Variants in RAD17 observed in about 807,000 individuals in gnomAD.
RAD17 encodes cell cycle checkpoint protein RAD17.
Under a neutral mutation model 81.5 loss-of-function variants are expected in RAD17, and 31 were observed. That is an observed-to-expected ratio of 0.38 (90% confidence interval 0.29 to 0.51). The LOEUF is 0.51. RAD17 is among the 20% of genes least tolerant of loss of function. The probability of loss-of-function intolerance (pLI) is 0.88; values close to 1 mark genes in which losing one functional copy is unlikely to be tolerated. For synonymous variants in RAD17, 261 were observed against 266.2 expected, an observed-to-expected ratio of 0.98 and a Z score of 0.19; for missense variants, 681 against 781.2, an observed-to-expected ratio of 0.87 and a Z score of 1.53.
intron 11 of RAD17, among the ~76,000 whole-genome samples, chr5:69,388,125 T>A (rs551574517): frequency 2.0e-5 from 3 of 152,260 alleles, no homozygotes; most frequent in African/African-American, 7.2e-5. Context: ...GTGGGAGGAT[T>A]TGTTGAGCCT....
At chr5:69,406,794 A>C (rs1469065843) in intron 17 of RAD17, among the ~76,000 whole-genome samples, 1 of 151,962 alleles carries the variant, frequency 6.6e-6, no homozygotes, top group Non-Finnish European at 1.5e-5. Flanking sequence ...GGTGTGAGCT[A>C]CCACACCGAA....
chr5:69,410,965 C>CTACATATATATATATATATATATA (rs1554044688), intron 18 of RAD17, among the ~76,000 whole-genome samples: 2 of 90,264 alleles, frequency 2.2e-5, no homozygotes, highest in African/African-American at 9.9e-5. Context: ...AGATGTCTGT[C>CTACATATATATATATATATATATA]TATATATATA....
chr5:69,397,958 A>G (rs1198573362), intron 16 of RAD17, among the ~76,000 whole-genome samples: 1 of 152,164 alleles, frequency 6.6e-6, no homozygotes. Context: ...TGTACTAAAA[A>G]TAAAAAAACT....
In RAD17 at chr5:69,377,661, G is replaced by GCATATATATA. The variant is rs1561240454; in HGVS notation, c.351+2950_351+2951insCATATATATA. Among the ~76,000 whole-genome samples the GCATATATATA allele has an allele frequency of 1.6e-4, 12 of 75,578 alleles. 4 individuals carry two copies. The highest frequency in any genetic ancestry group is 5.2e-4 in the African/African-American group (12 of 23,242). The allele number at this position is 75,578 out of a possible 152,430, so 49.6% of individuals were successfully genotyped here. The stretch of plus-strand genomic sequence containing the variant: ...TACATATATATATGCATATATATAT[G>GCATATATATA]TATACATATATATATGCATATATAT... On this transcript the variant is annotated intron_variant, in intron 6 of 18. Transcript: ENST00000354868.
intron 17 of RAD17, among the ~76,000 whole-genome samples, chr5:69,403,191 A>G (rs929710854): frequency 7.9e-5 from 12 of 152,260 alleles, no homozygotes; most frequent in Non-Finnish European, 1.0e-4. Flanking sequence ...CCAGAATCCA[A>G]TGAAAGATAA....
At chr5:69,401,859 C>A (rs1042406592) in intron 17 of RAD17, among the ~76,000 whole-genome samples, 15 of 137,210 alleles carry the variant, frequency 1.1e-4, no homozygotes, top group Non-Finnish European at 1.6e-4. Flanking sequence ...AACAAAAAAA[C>A]CAGGCCTGGT....
intron 11 of RAD17, among the ~76,000 whole-genome samples, chr5:69,386,812 A>AT (rs953391706): frequency 6.7e-6 from 1 of 150,060 alleles, no homozygotes; most frequent in African/African-American, 2.5e-5. Flanking sequence ...TTATTTTCAC[A>AT]TTTTTTTTAA....
At chr5:69,396,591 T>C (rs1312583994) in intron 16 of RAD17, 45 bp downstream of exon 16, 2 of 1,450,452 alleles carry the variant, frequency 1.4e-6, no homozygotes, top group African/African-American at 1.4e-5. Flanking sequence ...ATGTGAACTT[T>C]ATGGTACGTG....
chr5:69,412,146 CAG>C lies in RAD17; in HGVS notation c.1751+1597_1751+1598del, dbSNP rs1404351637. On this transcript the variant is annotated intron_variant, in intron 18 of 18. Coordinates refer to ENST00000354868, the MANE Select transcript of RAD17 (RefSeq NM_133338.3). The stretch of plus-strand genomic sequence containing the variant: ...TAATTTTTTGTATTTTTAGTAGAGA[CAG>C]GGTTTCACTGTGTTAGCCAGGATGG... 2.0e-5 allele frequency among the ~76,000 whole-genome samples: 3 copies of C among 151,860 alleles called. No homozygotes were observed. The East Asian group carries it at 5.8e-4, about 29-fold the overall frequency.
intron 11 of RAD17, among the ~76,000 whole-genome samples, chr5:69,386,927 T>TC (rs36033887): frequency 5.3e-5 from 2 of 37,946 alleles, no homozygotes; most frequent in Non-Finnish European, 5.8e-5. Flanking sequence ...CTGTTGTCAC[T>TC]TTTTTTTTTT....
chr5:69,377,476 C>CAT (rs1763449766), intron 6 of RAD17, among the ~76,000 whole-genome samples: 3 of 7,230 alleles, frequency 4.1e-4, no homozygotes, highest in South Asian at 0.016. Flanking sequence ...TATATATATA[C>CAT]ACACACACAC....
chr5:69,395,580 G>C (rs1240410704), intron 15 of RAD17, among the ~76,000 whole-genome samples: 1 of 151,936 alleles, frequency 6.6e-6, no homozygotes, highest in African/African-American at 2.4e-5. Flanking sequence ...AAATGCTTGA[G>C]GTAATGGATA....
chr5:69,387,598 C>T (rs1764292124), intron 11 of RAD17, among the ~76,000 whole-genome samples: 1 of 152,172 alleles, frequency 6.6e-6, no homozygotes, highest in Admixed American at 6.5e-5. Context: ...TGGCTCACGC[C>T]TGTAATCTTA....
intron 6 of RAD17, among the ~76,000 whole-genome samples, chr5:69,376,532 A>G (rs1157302016): frequency 6.6e-6 from 1 of 152,208 alleles, no homozygotes; most frequent in Non-Finnish European, 1.5e-5. Context: ...CAAATTGGGT[A>G]GAAGGTACAG....
chr5:69,399,405 T>A (rs1442113622), intron 16 of RAD17, among the ~76,000 whole-genome samples: 3 of 152,216 alleles, frequency 2.0e-5, no homozygotes, highest in Non-Finnish European at 4.4e-5. Flanking sequence ...GCTTGACTTC[T>A]GTAATATCTG....
intron 18 of RAD17, among the ~76,000 whole-genome samples, chr5:69,413,812 G>A (rs1445987455): frequency 1.3e-5 from 2 of 152,236 alleles, no homozygotes; most frequent in African/African-American, 2.4e-5. Context: ...AGATAGTACA[G>A]GCATGAGCCA....
At chr5:69,402,778 CTCTT>C (rs1430466832) in intron 17 of RAD17, among the ~76,000 whole-genome samples, 6 of 152,092 alleles carry the variant, frequency 3.9e-5, no homozygotes, top group Non-Finnish European at 5.9e-5. Flanking sequence ...TATATTCTCT[CTCTT>C]TATAAGCATG....
chr5:69,383,110 G>A (rs1447062272), intron 7 of RAD17, among the ~76,000 whole-genome samples: 5 of 152,014 alleles, frequency 3.3e-5, no homozygotes, highest in Admixed American at 2.0e-4. Context: ...GATGTAATAC[G>A]TTATAAGTTC....
Position 69,377,588 on chromosome 5 carries a change from T to TAC in RAD17, c.351+2878_351+2879insCA, listed in dbSNP as rs1554038743. 8.2e-3 allele frequency among the ~76,000 whole-genome samples: 156 copies of TAC among 18,922 alleles called. 45 individuals are homozygous for TAC. Among genetic ancestry groups the TAC allele is most frequent in the African/African-American group, 0.025 (153 of 6,194 alleles). 12.4% of individuals were successfully genotyped at this position (18,922 alleles called of 152,430 possible). On this transcript the variant is annotated intron_variant, in intron 6 of 18. Transcript: ENST00000354868. ...ATATATATGCATATATATGTATACATATATATATGCATATATATATGTATA... is the reference window on the plus strand; with the variant it reads ...ATATATATGCATATATATGTATACATACATATATATGCATATATATATGTATA...
Sources: gnomAD v4.1 joint callset for allele counts (sites outside exome capture counted in the v4.1 genomes callset) on GRCh38, gnomAD v4.1.1 for gene constraint, MANE v1.5 for transcripts, NCBI Gene and HGNC (gene_info 2026-07-23, HGNC 2026-07-21) for gene names.